Variants in ALK observed in about 807,000 individuals in gnomAD.
ALK encodes the protein ALK tyrosine kinase receptor.
Under a neutral mutation model 163.1 loss-of-function variants are expected in ALK, and 74 were observed. That is an observed-to-expected ratio of 0.45 (90% CI 0.38 to 0.55). ALK has a LOEUF of 0.55. ALK is among the 20% of genes least tolerant of loss of function. ALK has a pLI of 0.00. For missense variants in ALK, 2,063 were observed against 2,105.3 expected, an observed-to-expected ratio of 0.98 and a Z score of 0.39; for synonymous variants, 960 against 843.2, an observed-to-expected ratio of 1.14 and a Z score of -2.40.
chr2:29,819,972 T>C (rs889827778), intron 1 of ALK, among the ~76,000 whole-genome samples: 16 of 152,246 alleles, frequency 1.1e-4, no homozygotes, highest in African/African-American at 3.9e-4. Context: ...ACAAAACATC[T>C]ATCCCTAAGA....
chr2:29,227,100 C>T lies in ALK; in HGVS notation c.2915-26G>A. The T allele has an allele frequency of 6.2e-7, 1 of 1,614,086 alleles. No homozygotes were observed. The highest frequency in any genetic ancestry group is 8.5e-7 in the Non-Finnish European group (1 of 1,180,028). On this transcript the variant is annotated intron_variant, in intron 17 of 28. Transcript: ENST00000389048. The surrounding 1 kb of genome is among the most constrained non-coding windows in gnomAD (Gnocchi z 4.4). ...CTAGTGACAAGGAGGGAGGGTCAGT[C>T]TTGGGCCGAGCCTGCCTCCCCACTC... is the stretch of plus-strand genomic sequence containing the variant.
intron 4 of ALK, among the ~76,000 whole-genome samples, chr2:29,479,687 C>T (rs1321576630): frequency 6.6e-6 from 1 of 152,162 alleles, no homozygotes; most frequent in Non-Finnish European, 1.5e-5. Flanking sequence ...TGATTGAAGA[C>T]CACAGGGTCA....
intron 2 of ALK, among the ~76,000 whole-genome samples, chr2:29,698,256 T>A (rs1222439076): frequency 6.6e-6 from 1 of 152,182 alleles, no homozygotes; most frequent in Non-Finnish European, 1.5e-5. Context: ...CAGAGCAGAC[T>A]GCAAAGAGAA....
intron 1 of ALK, among the ~76,000 whole-genome samples, chr2:29,821,215 C>A (rs1209378912): frequency 6.6e-6 from 1 of 151,860 alleles, no homozygotes; most frequent in Non-Finnish European, 1.5e-5. Flanking sequence ...ATGGCGGGTG[C>A]TCTCCCCACC....
At chr2:29,445,145 C>A (rs1670641088) in intron 4 of ALK, among the ~76,000 whole-genome samples, 1 of 152,202 alleles carries the variant, frequency 6.6e-6, no homozygotes, top group Non-Finnish European at 1.5e-5. Flanking sequence ...TCTGGCCTGA[C>A]CTGCACTTGA....
intron 1 of ALK, among the ~76,000 whole-genome samples, chr2:29,904,318 C>T (rs1246981173): frequency 6.6e-6 from 1 of 152,172 alleles, no homozygotes; most frequent in Non-Finnish European, 1.5e-5. Flanking sequence ...GATTGGTTTT[C>T]TGGTAACTTT....
chr2:29,226,785 A>C (rs1664009189), intron 18 of ALK, 137 bp downstream of exon 18: 6 of 1,080,104 alleles, frequency 5.6e-6, no homozygotes, highest in Non-Finnish European at 8.4e-6. Context: ...AGAGCACTCG[A>C]GCTGTGGCAG....
At chr2:29,320,928 G>T (rs751007258) in intron 6 of ALK, 46 bp from the exon 7 acceptor site, 1 of 1,613,456 alleles carries the variant, frequency 6.2e-7, no homozygotes, top group Non-Finnish European at 8.5e-7. Flanking sequence ...GACCACTAAA[G>T]GCAAAATATG....
intron 5 of ALK, among the ~76,000 whole-genome samples, chr2:29,382,346 G>A (rs1029076181): frequency 6.6e-6 from 1 of 152,236 alleles, no homozygotes; most frequent in African/African-American, 2.4e-5. Context: ...GGCTATGGGG[G>A]ATGAATGTTT....
rs1664074949 is a variant in ALK, at chr2:29,787,702, A to G, written c.668-70005T>C. On this transcript the variant is annotated intron_variant, in intron 1 of 28. Coordinates refer to ENST00000389048, the MANE Select transcript of ALK (RefSeq NM_004304.5). Reference sequence around the variant, plus strand: ...AGAGGAAGCAGTAAGTATGCAGATAAGAGGCTGTAAGACAGTAGGGTGGGT... The same window carrying G: ...AGAGGAAGCAGTAAGTATGCAGATAGGAGGCTGTAAGACAGTAGGGTGGGT... 2.0e-5 allele frequency among the ~76,000 whole-genome samples: 3 copies of G among 152,234 alleles called. No homozygotes were observed. In the South Asian group the frequency reaches 6.2e-4, roughly 31 times the overall value.
At chr2:29,241,774 G>GCATCACCC (rs1035220206) in intron 12 of ALK, among the ~76,000 whole-genome samples, 1 of 152,202 alleles carries the variant, frequency 6.6e-6, no homozygotes, top group African/African-American at 2.4e-5. Flanking sequence ...CAGGCACACG[G>GCATCACCC]CATCACCCAA....
intron 19 of ALK, 126 bp downstream of exon 19, chr2:29,225,335 C>T (rs1663931506): frequency 1.1e-6 from 1 of 912,776 alleles, no homozygotes; most frequent in Non-Finnish European, 1.7e-6. Context: ...GCCCTAATCA[C>T]CACCCCACCC....
intron 1 of ALK, among the ~76,000 whole-genome samples, chr2:29,896,408 T>G (rs1405552154): frequency 6.6e-6 from 1 of 152,122 alleles, no homozygotes; most frequent in East Asian, 1.9e-4. Flanking sequence ...CATTTGGAGA[T>G]CCAGCCTTTA....
At chr2:29,343,211 T>A (rs1439103774) in intron 5 of ALK, among the ~76,000 whole-genome samples, 2 of 113,372 alleles carry the variant, frequency 1.8e-5, no homozygotes, top group East Asian at 3.1e-4. Flanking sequence ...ATTTAAAAAT[T>A]TTTTTTTTTT....
intron 5 of ALK, among the ~76,000 whole-genome samples, chr2:29,365,397 C>G (rs1668479746): frequency 6.6e-6 from 1 of 152,146 alleles, no homozygotes; most frequent in South Asian, 2.1e-4. Flanking sequence ...CTGGCCCATT[C>G]AGAGGACAGG....
At chr2:29,235,447 T>G (rs1446195291) in intron 13 of ALK, among the ~76,000 whole-genome samples, 1 of 152,066 alleles carries the variant, frequency 6.6e-6, no homozygotes, top group African/African-American at 2.4e-5. Flanking sequence ...TGGAAATAAT[T>G]TGATATTTCT....
Position 29,857,243 on chromosome 2 carries a change from G to T in ALK, c.667+62750C>A, listed in dbSNP as rs535383422. ...AAGATCCTACAAGACTATGTGAATG[G>T]GCAGAGAAAGGTAGAAAAGTAGAGG... On this transcript the variant is annotated intron_variant, in intron 1 of 28. Coordinates refer to ENST00000389048, the MANE Select transcript of ALK (RefSeq NM_004304.5). Among the ~76,000 whole-genome samples, 3 of 152,232 alleles carry T rather than the reference G, an allele frequency of 2.0e-5. No homozygotes were observed. The East Asian group carries it at 5.8e-4, about 29-fold the overall frequency.
intron 3 of ALK, among the ~76,000 whole-genome samples, chr2:29,692,831 T>A (rs1678441148): frequency 6.6e-6 from 1 of 152,224 alleles, no homozygotes; most frequent in East Asian, 1.9e-4. Context: ...AGCAAGAACC[T>A]GGAAATAATT....
At chr2:29,284,085 G>A (rs1032088163) in intron 9 of ALK, among the ~76,000 whole-genome samples, 2 of 152,216 alleles carry the variant, frequency 1.3e-5, no homozygotes, top group African/African-American at 2.4e-5. Context: ...GACAATGAGA[G>A]AGAAGTCAAG....
Sources: gnomAD v4.1 joint callset for allele counts (sites outside exome capture counted in the v4.1 genomes callset) on GRCh38, gnomAD v4.1.1 for gene constraint, Gnocchi (gnomAD v3.1) non-coding constraint, MANE v1.5 for transcripts, NCBI Gene and HGNC (gene_info 2026-07-23, HGNC 2026-07-21) for gene names.